Variants in LOXHD1 observed in about 807,000 individuals in gnomAD.
LOXHD1 encodes the protein lipoxygenase homology PLAT domains 1, also known as lipoxygenase homology domain-containing protein 1.
Under a neutral mutation model 248.2 loss-of-function variants are expected in LOXHD1, and 205 were observed. The observed-to-expected ratio is 0.83, with a 90% CI of 0.74 to 0.93. The LOEUF (loss-of-function observed/expected upper bound fraction) is 0.93, where lower values mean the gene tolerates loss of function less well. Among genes scored for constraint, LOXHD1 ranks in the 40% least tolerant of loss-of-function variants. LOXHD1 has a pLI of 0.00. For synonymous variants in LOXHD1, 1,113 were observed against 1,162.8 expected (o/e 0.96, Z 0.87); for missense variants, 2,930 against 2,971.6 (o/e 0.99, Z 0.33).
chr18:46,625,764 C>A (rs534034835), intron 4 of LOXHD1, among the ~76,000 whole-genome samples: 44 of 152,288 alleles, frequency 2.9e-4, no homozygotes, highest in African/African-American at 1.0e-3. Flanking sequence ...CTGCTGGTTC[C>A]TTTTCCAGCC....
chr18:46,569,366 G>T, intron 16 of LOXHD1, 76 bp downstream of exon 16: 3 of 1,218,516 alleles, frequency 2.5e-6, no homozygotes, highest in Non-Finnish European at 3.5e-6. Context: ...GTGGACATAT[G>T]TGTGTGTGGA....
At chr18:46,515,916 A>G (rs73953857) in intron 34 of LOXHD1, among the ~76,000 whole-genome samples, 2,656 of 152,256 alleles carry the variant, frequency 0.017, 69 homozygotes, top group African/African-American at 0.059. Flanking sequence ...AGACCGACGG[A>G]CCAAATCCAG....
intron 34 of LOXHD1, among the ~76,000 whole-genome samples, chr18:46,515,172 A>C (rs565129062): frequency 6.6e-6 from 1 of 152,302 alleles, no homozygotes; most frequent in African/African-American, 2.4e-5. Flanking sequence ...TAGAAGCCTC[A>C]TGATACCTTC....
At chr18:46,540,230 G>A (rs2156282) in intron 25 of LOXHD1, among the ~76,000 whole-genome samples, 3 of 151,994 alleles carry the variant, frequency 2.0e-5, no homozygotes, top group Admixed American at 1.3e-4. Flanking sequence ...ACCTTAAAGC[G>A]TGCATTGCCA....
chr18:46,498,780 T>A (rs1461107485), intron 37 of LOXHD1, among the ~76,000 whole-genome samples: 2 of 152,238 alleles, frequency 1.3e-5, no homozygotes, highest in Non-Finnish European at 2.9e-5. Context: ...ACTGCAAAGA[T>A]CATATTTCCA....
rs2038969066 is a variant in LOXHD1 at position 46,642,021 on chromosome 18, A to G, written c.261T>C (p.Phe87=). 1.3e-6 allele frequency: 2 copies of G among 1,552,282 alleles called. No homozygotes were observed. The highest frequency in any genetic ancestry group is 1.7e-6 in the Non-Finnish European group (2 of 1,147,076). The stretch of plus-strand genomic sequence containing the variant: ...GGAACACATCGACGTTGCCCTTCTC[A>G]AAGGCAGACTTGCTCCTGCAATGAA... ...LQLTSKSKSA[F]EKGNVDVFRV... Residue 87 remains phenylalanine, a synonymous_variant, in exon 3 of 41, where the codon TTT becomes TTC. Coordinates refer to ENST00000642948, the MANE Select transcript of LOXHD1 (RefSeq NM_001384474.1).
chr18:46,479,498 T>C (rs1451150744), intron 40 of LOXHD1, among the ~76,000 whole-genome samples: 1 of 152,054 alleles, frequency 6.6e-6, no homozygotes, highest in Non-Finnish European at 1.5e-5. Context: ...TGAGAGGGCA[T>C]GGTCTGCCCC....
intron 4 of LOXHD1, among the ~76,000 whole-genome samples, chr18:46,625,283 A>G (rs2038725289): frequency 6.6e-6 from 1 of 152,178 alleles, no homozygotes; most frequent in Non-Finnish European, 1.5e-5. Flanking sequence ...GTGCTCAAAC[A>G]CAGTCCGTGC....
At chr18:46,530,822 G>A (rs766571654) in intron 28 of LOXHD1, among the ~76,000 whole-genome samples, 4 of 152,044 alleles carry the variant, frequency 2.6e-5, no homozygotes, top group Non-Finnish European at 5.9e-5. Context: ...TCCTTCATGG[G>A]TAGCTTTATG....
intron 19 of LOXHD1, 35 bp downstream of exon 19, chr18:46,560,048 T>TCCCCGCCCCCC: frequency 8.2e-7 from 1 of 1,226,298 alleles, no homozygotes; most frequent in Non-Finnish European, 1.1e-6. Flanking sequence ...GTCTGGCCAC[T>TCCCCGCCCCCC]CCCTCCCCAC....
At chr18:46,619,626 G>A (rs2038639985) in intron 4 of LOXHD1, among the ~76,000 whole-genome samples, 1 of 152,206 alleles carries the variant, frequency 6.6e-6, no homozygotes, top group Non-Finnish European at 1.5e-5. Flanking sequence ...AAGTCTCCAG[G>A]AAGTTGCTCA....
chr18:46,503,398 G>A (rs994527223), intron 37 of LOXHD1, among the ~76,000 whole-genome samples: 28 of 152,144 alleles, frequency 1.8e-4, no homozygotes, highest in Non-Finnish European at 4.0e-4. Context: ...TAGGCCTGTG[G>A]AGATACACAG....
intron 21 of LOXHD1, among the ~76,000 whole-genome samples, chr18:46,550,005 T>C (rs2037019920): frequency 1.3e-5 from 2 of 152,192 alleles, no homozygotes; most frequent in African/African-American, 2.4e-5. Flanking sequence ...TGCAGCTAGT[T>C]AGAGTATTGA....
At chr18:46,525,040 G>A in intron 29 of LOXHD1, 123 bp from the exon 30 acceptor site, 1 of 1,149,030 alleles carries the variant, frequency 8.7e-7, no homozygotes. Context: ...TTCTTTGCTG[G>A]GGAGCCCTCC....
chr18:46,502,757 C>G (rs1413574762), intron 37 of LOXHD1, among the ~76,000 whole-genome samples: 4 of 152,132 alleles, frequency 2.6e-5, no homozygotes, highest in African/African-American at 9.7e-5. Context: ...ATAAAACACT[C>G]ATATTGTAAA....
chr18:46,479,643 T>G (rs116988494), intron 40 of LOXHD1, among the ~76,000 whole-genome samples: 1 of 151,966 alleles, frequency 6.6e-6, no homozygotes, highest in African/African-American at 2.4e-5. Flanking sequence ...ATTGCTAATA[T>G]GCTAACACCT....
At chr18:46,529,456 C>T in intron 28 of LOXHD1, 125 bp from the exon 29 acceptor site, 1 of 1,109,328 alleles carries the variant, frequency 9.0e-7, no homozygotes, top group Non-Finnish European at 1.2e-6. Context: ...GGGTTAATGC[C>T]TTCCTTTTGT....
intron 36 of LOXHD1, 136 bp downstream of exon 36, chr18:46,507,402 G>A: frequency 1.1e-6 from 1 of 912,644 alleles, no homozygotes; most frequent in African/African-American, 1.7e-5. Flanking sequence ...GCGACACACT[G>A]TGGAGAAAAC....
chr18:46,558,667 C>T (rs1598999948), intron 20 of LOXHD1, among the ~76,000 whole-genome samples: 1 of 152,094 alleles, frequency 6.6e-6, no homozygotes, highest in South Asian at 2.1e-4. Flanking sequence ...ATTTGGCTTT[C>T]GGGTAGAGGC....
Sources: allele counts gnomAD v4.1 joint callset (sites outside exome capture counted in the v4.1 genomes callset), GRCh38; gene constraint gnomAD v4.1.1; transcripts MANE v1.5; gene names NCBI Gene and HGNC (gene_info 2026-07-23, HGNC 2026-07-21).